The following FAM120C variants were observed in gnomAD, a reference collection of about 807,000 sequenced individuals.
FAM120C encodes family with sequence similarity 120 member C.
FAM120C carries 14 observed loss-of-function variants against 71.2 expected under a neutral mutation model. The ratio of observed to expected loss-of-function variants is 0.20; its 90% confidence interval spans 0.13 to 0.31. The LOEUF (loss-of-function observed/expected upper bound fraction) is 0.31. FAM120C is among the 10% of genes least tolerant of loss of function. FAM120C has a pLI of 1.00. For synonymous variants in FAM120C, 354 were observed against 353.2 expected, an observed-to-expected ratio of 1.00 and a Z score of -0.03; for missense variants, 500 against 879.0, an observed-to-expected ratio of 0.57 and a Z score of 5.45.
chrX:54,135,740 T>C (rs1339410563), intron 5 of FAM120C, 136 bp from the exon 6 acceptor site: 1 of 456,778 alleles, frequency 2.2e-6, no homozygotes, highest in Non-Finnish European at 3.7e-6. Flanking sequence ...CTATGTGCCA[T>C]GCTGAGAACC....
At position 54,104,816 on chromosome X, in the gene FAM120C, A is replaced by G. The variant is rs891940015; in HGVS notation, c.2312+11729T>C. Among the ~76,000 whole-genome samples, 24 of 106,896 alleles carry G rather than the reference A, an allele frequency of 2.2e-4. 1 individual carries two copies. Among genetic ancestry groups the G allele is most frequent in the South Asian group, 1.2e-3 (3 of 2,459 alleles). The allele number at this position is 106,896 out of a possible 115,157, so 92.8% of individuals were successfully genotyped here. A position where few individuals can be genotyped will look rare whatever the true frequency, so the allele number is the denominator to read the frequency against. On this transcript the variant is annotated intron_variant, in intron 10 of 15. Transcript: ENST00000375180. Reference sequence around the variant, plus strand: ...GAGCGAGACTCTGTCTCGGGGGGGGAAAAAAAAGAAAAAGAAAAAACCCCT... The same window carrying G: ...GAGCGAGACTCTGTCTCGGGGGGGGGAAAAAAAGAAAAAGAAAAAACCCCT...
intron 10 of FAM120C, among the ~76,000 whole-genome samples, chrX:54,099,703 C>T (rs1197375610): frequency 8.9e-6 from 1 of 111,989 alleles, no homozygotes; most frequent in African/African-American, 3.2e-5. Flanking sequence ...TGTTAATATC[C>T]AACCATCTGT....
intron 10 of FAM120C, among the ~76,000 whole-genome samples, chrX:54,114,943 T>C (rs1456155127): frequency 9.6e-6 from 1 of 104,539 alleles, no homozygotes; most frequent in Non-Finnish European, 2.0e-5. Flanking sequence ...TTTTTTTGTA[T>C]AGATGGGGTT....
chrX:54,085,987 G>C, intron 12 of FAM120C, 71 bp from the exon 13 acceptor site: 1 of 925,240 alleles, frequency 1.1e-6, no homozygotes, highest in Non-Finnish European at 1.6e-6. Context: ...GGCCCAGGAT[G>C]GAGCACTCTA....
chrX:54,174,130 C>T (rs953382366), intron 1 of FAM120C: 37 of 511,938 alleles, frequency 7.2e-5, no homozygotes, highest in Non-Finnish European at 1.2e-4. Flanking sequence ...TAGGGCAGCT[C>T]ACAACATGGC....
At chrX:54,129,891 G>A (rs1433332473) in intron 9 of FAM120C, among the ~76,000 whole-genome samples, 1 of 110,025 alleles carries the variant, frequency 9.1e-6, no homozygotes, top group African/African-American at 3.3e-5. Context: ...GTGGCGGCGC[G>A]CGCCTGCAAT....
At position 54,132,794 on chromosome X, in the gene FAM120C, A is replaced by G; in HGVS notation, c.1960T>C (p.Phe654Leu). 1 of 1,209,687 alleles carries G rather than the reference A, an allele frequency of 8.3e-7. No individual in the cohort carries two copies. Among genetic ancestry groups the G allele is most frequent in the Non-Finnish European group, 1.1e-6 (1 of 894,217 alleles). The change falls in exon 9 of 16, where the codon TTC becomes CTC. Residue 654 changes from phenylalanine (F) to leucine (L), a missense_variant. Phe to Leu is a conservative substitution (Grantham distance 22). Coordinates refer to ENST00000375180, the MANE Select transcript of FAM120C (RefSeq NM_017848.6). ...TATACATATTGACGAGCTGACCGGA[A>G]TAAGAGAGCAGCTGGAGGCAGCTCC... ...NMELPPAALL[F>L]RSARQYVYGV...
chrX:54,160,227 G>A (rs1557134251), intron 1 of FAM120C, among the ~76,000 whole-genome samples: 1 of 111,369 alleles, frequency 9.0e-6, no homozygotes, highest in East Asian at 2.8e-4. Flanking sequence ...AAACTTAGAC[G>A]TAGAAATAGA....
intron 10 of FAM120C, among the ~76,000 whole-genome samples, chrX:54,108,942 A>C (rs1326470810): frequency 2.5e-4 from 18 of 72,021 alleles, no homozygotes; most frequent in Admixed American, 1.6e-3. Flanking sequence ...AAAAAAAAAA[A>C]CACGTAAATA....
intron 1 of FAM120C, among the ~76,000 whole-genome samples, chrX:54,166,986 AGT>A (rs1469645334): frequency 9.0e-6 from 1 of 111,673 alleles, no homozygotes; most frequent in African/African-American, 3.3e-5. Flanking sequence ...ACAATATGGC[AGT>A]GTGTAGAATG....
chrX:54,162,380 G>C (rs2067239581), intron 1 of FAM120C, among the ~76,000 whole-genome samples: 1 of 111,336 alleles, frequency 9.0e-6, no homozygotes, highest in African/African-American at 3.3e-5. Context: ...CCACCTCTTG[G>C]ACAAATTCCT....
intron 15 of FAM120C, among the ~76,000 whole-genome samples, chrX:54,074,116 G>A (rs1045081936): frequency 1.8e-5 from 2 of 111,498 alleles, no homozygotes; most frequent in East Asian, 2.8e-4. Context: ...GTGAGCCACC[G>A]CACCTGGCTG....
At chrX:54,105,683 CCTT>C (rs1265036648) in intron 10 of FAM120C, among the ~76,000 whole-genome samples, 1 of 112,074 alleles carries the variant, frequency 8.9e-6, no homozygotes, top group South Asian at 3.7e-4. Flanking sequence ...CCCAAAATCT[CCTT>C]AAGCTGATAA....
intron 10 of FAM120C, among the ~76,000 whole-genome samples, chrX:54,098,443 C>T (rs2066865339): frequency 9.0e-6 from 1 of 111,423 alleles, no homozygotes; most frequent in South Asian, 3.8e-4. Context: ...TCCGATTTCT[C>T]CATATCCTTT....
chrX:54,143,959 T>C (rs2067140862), intron 4 of FAM120C, among the ~76,000 whole-genome samples: 1 of 111,568 alleles, frequency 9.0e-6, no homozygotes, highest in Non-Finnish European at 1.9e-5. Flanking sequence ...AAAAAGCTTA[T>C]CCACCATGAT....
intron 13 of FAM120C, among the ~76,000 whole-genome samples, chrX:54,082,395 CA>C (rs1557121436): frequency 9.1e-6 from 1 of 110,109 alleles, no homozygotes; most frequent in East Asian, 2.9e-4. Context: ...TGGAAAATTA[CA>C]AGCCTAAACT....
At position 54,072,960 on chromosome X, in the gene FAM120C, C is replaced by G. The variant is rs2066717439; in HGVS notation, c.*73G>C. On this transcript the variant is annotated 3_prime_UTR_variant, in exon 16 of 16. Transcript: ENST00000375180. ...CTAGGGTAAGCATTTATATCCTCCT[C>G]TAGCTTGGGCCTAAAATCAGAAAAG... The G allele has an allele frequency of 1.8e-6, 2 of 1,125,220 alleles. No homozygotes were observed. Among genetic ancestry groups the G allele is most frequent in the African/African-American group, 3.7e-5 (2 of 54,681 alleles). The allele number at this position is 1,125,220 out of a possible 1,213,427, so 92.7% of individuals were successfully genotyped here.
At position 54,077,937 on chromosome X, in the gene FAM120C, C is replaced by CTT. The variant is rs2066743377; in HGVS notation, c.3036+2294_3036+2295insAA. Among the ~76,000 whole-genome samples, 3 of 57,062 alleles carry CTT rather than the reference C, an allele frequency of 5.3e-5. No individual in the cohort carries two copies. The South Asian group carries it at 4.8e-3, about 90-fold the overall frequency. 49.6% of individuals were successfully genotyped at this position (57,062 alleles called of 115,157 possible). A position where few individuals can be genotyped will look rare whatever the true frequency, so the allele number is the denominator to read the frequency against. ...TCACTAAGAGATCCAATAAGATCTA[C>CTT]TCTTTTTTTTTTTTTTTTTTTTTTG... On this transcript the variant is annotated intron_variant, in intron 15 of 15. Transcript: ENST00000375180.
At chrX:54,180,949 A>G (rs2067345806) in intron 1 of FAM120C, among the ~76,000 whole-genome samples, 1 of 111,345 alleles carries the variant, frequency 9.0e-6, no homozygotes, top group African/African-American at 3.3e-5. Flanking sequence ...CAGTGAAAAC[A>G]AAGTGGAAAG....
Sources: allele counts gnomAD v4.1 joint callset (sites outside exome capture counted in the v4.1 genomes callset), GRCh38; gene constraint gnomAD v4.1.1; transcripts MANE v1.5; gene names NCBI Gene and HGNC (gene_info 2026-07-23, HGNC 2026-07-21).